PFKFB3: variants seen among roughly 807,000 people sequenced by gnomAD.
PFKFB3 encodes 6-phosphofructo-2-kinase/fructose-2,6-bisphosphatase 3.
PFKFB3 carries 33 observed loss-of-function variants against 68.0 expected under a neutral mutation model. That is an observed-to-expected ratio of 0.49 (90% CI 0.37 to 0.65). The LOEUF (loss-of-function observed/expected upper bound fraction) is 0.65. Among genes scored for constraint, PFKFB3 ranks in the 30% least tolerant of loss-of-function variants. The pLI is 0.00. For synonymous variants in PFKFB3, 315 were observed against 288.2 expected, an observed-to-expected ratio of 1.09 and a Z score of -0.94; for missense variants, 586 against 712.2, an observed-to-expected ratio of 0.82 and a Z score of 2.02.
intron 14 of PFKFB3, among the ~76,000 whole-genome samples, chr10:6,252,467 T>C (rs199782278): frequency 6.6e-6 from 1 of 152,234 alleles, no homozygotes; most frequent in East Asian, 1.9e-4. Flanking sequence ...TCCCAAGGCA[T>C]ACATGCAGAC....
At position 6,205,806 on chromosome 10, in the gene PFKFB3, A is replaced by ATTTATTTT. The variant is rs1434430378; in HGVS notation, c.76+2472_76+2473insTATTTTTT. ...TATTTATTTATTTATTTATTTATTTATTCATTTTTGAGGTGGAGTCTCACA... is the reference window on the plus strand; with the variant it reads ...TATTTATTTATTTATTTATTTATTTATTTATTTTTTCATTTTTGAGGTGGAGTCTCACA... On this transcript the variant is annotated intron_variant, in intron 1 of 14. Transcript: ENST00000379775. Among the ~76,000 whole-genome samples the ATTTATTTT allele has an allele frequency of 4.2e-4, 61 of 146,882 alleles. No homozygotes were observed. In the South Asian group the frequency reaches 0.011, roughly 26 times the overall value.
At position 6,154,556 on chromosome 10, in the gene PFKFB3, T is replaced by C. The variant is rs1339583343; in HGVS notation, c.16+9543T>C. ...AGCCACCGCGCCTGGTGGGCTGAAT[T>C]AACGTGACACCATAAAACGTCTCCG... On this transcript the variant is annotated intron_variant, in intron 1 of 14. Coordinates refer to the PFKFB3 transcript ENST00000379789. This position sits in a 1 kb window ranked among gnomAD's most constrained non-coding sequence, Gnocchi z 4.6. Among the ~76,000 whole-genome samples, 3 of 152,088 alleles carry C rather than the reference T, an allele frequency of 2.0e-5. No individual in the cohort carries two copies. Among genetic ancestry groups the C allele is most frequent in the Non-Finnish European group, 4.4e-5 (3 of 68,016 alleles).
chr10:6,219,344 G>T (rs1336145638), intron 6 of PFKFB3, among the ~76,000 whole-genome samples: 2 of 152,182 alleles, frequency 1.3e-5, no homozygotes, highest in Non-Finnish European at 2.9e-5. Context: ...TCCTGTCTCT[G>T]TCCTTCCGGC....
chr10:6,206,347 ACTT>A (rs1218048850), intron 1 of PFKFB3, among the ~76,000 whole-genome samples: 1 of 138,068 alleles, frequency 7.2e-6, no homozygotes, highest in East Asian at 2.1e-4. Flanking sequence ...TCCCATGTCT[ACTT>A]CTTTCTACAC....
At chr10:6,210,049 G>GTGCACCCCTCT (rs1204853552) in intron 1 of PFKFB3, among the ~76,000 whole-genome samples, 1 of 123,532 alleles carries the variant, frequency 8.1e-6, no homozygotes, top group Non-Finnish European at 2.0e-5. Flanking sequence ...ACCGTGCCCG[G>GTGCACCCCTCT]CCTAATACTT....
At chr10:6,293,780 C>T in the PFKFB3 span, 1,386 of 373,950 alleles carry the variant, frequency 3.7e-3, 23 homozygotes, top group Non-Finnish European at 6.9e-4. Context: ...ACCTTGTGCA[C>T]TTTATCTGAG....
rs770690176 is a variant in PFKFB3, at chr10:6,231,213, T to A, written c.1516-1682T>A. On this transcript the variant is annotated intron_variant, in intron 14 of 14. Coordinates refer to ENST00000379775, the MANE Select transcript of PFKFB3 (RefSeq NM_004566.4). ...AAATCCTACTAAAGATTTTCTTTTT[T>A]TTTTTCCTTTTCCAACCTGTTTCTT... The A allele has an allele frequency of 6.3e-6, 8 of 1,272,130 alleles. No individual in the cohort carries two copies. In the African/African-American group the frequency reaches 1.2e-4, roughly 19 times the overall value. 78.8% of individuals were successfully genotyped at this position (1,272,130 alleles called of 1,614,324 possible). A position where few individuals can be genotyped will look rare whatever the true frequency, so the allele number is the denominator to read the frequency against.
the PFKFB3 span, among the ~76,000 whole-genome samples, chr10:6,265,568 C>G: frequency 6.6e-6 from 1 of 152,236 alleles, no homozygotes; most frequent in South Asian, 2.1e-4. Context: ...GGGGTATCAC[C>G]TATGAAGGCC....
At chr10:6,224,678 G>A in intron 13 of PFKFB3, 1 of 334,178 alleles carries the variant, frequency 3.0e-6, no homozygotes, top group Non-Finnish European at 5.9e-6. Context: ...TAGATAATGG[G>A]GTCTCACTGT....
intron 1 of PFKFB3, among the ~76,000 whole-genome samples, chr10:6,188,579 A>G (rs959361981): frequency 2.7e-4 from 41 of 152,088 alleles, no homozygotes; most frequent in African/African-American, 9.4e-4. Flanking sequence ...CCATTGTGCA[A>G]TAGATCTCTA....
intron 1 of PFKFB3, among the ~76,000 whole-genome samples, chr10:6,156,003 C>A (rs1040069783): frequency 6.6e-6 from 1 of 152,062 alleles, no homozygotes; most frequent in Non-Finnish European, 1.5e-5. Context: ...AGTTTTTCAA[C>A]CCTCACCCCC....
Position 6,233,137 on chromosome 10 carries a change from G to C in PFKFB3, c.*195G>C. The stretch of plus-strand genomic sequence containing the variant: ...GCCGCTGGACACCAGAAAGCCACGT[G>C]GGTCCCTGGCGCCCTGCCTTTAGCC... On this transcript the variant is annotated 3_prime_UTR_variant, in exon 15 of 15. Transcript: ENST00000379775. The C allele has an allele frequency of 1.8e-6, 1 of 569,000 alleles. No individual in the cohort carries two copies. The highest frequency in any genetic ancestry group is 2.9e-5 in the East Asian group (1 of 34,144). 35.2% of individuals were successfully genotyped at this position (569,000 alleles called of 1,614,324 possible).
Position 6,232,704 on chromosome 10 carries a change from C to T in PFKFB3, c.1516-191C>T, listed in dbSNP as rs527535752. Among the ~76,000 whole-genome samples, 209 of 148,102 alleles carry T rather than the reference C, an allele frequency of 1.4e-3. 2 individuals carry two copies. The highest frequency in any genetic ancestry group is 2.2e-3 in the Non-Finnish European group (148 of 67,962). ...TCTCTGAGACTCTGGGGTTATCTTG[C>T]GTCATGTTCTGAGGCCCACCTGGGC... On this transcript the variant is annotated intron_variant, in intron 14 of 14. Coordinates refer to ENST00000379775, the MANE Select transcript of PFKFB3 (RefSeq NM_004566.4).
the PFKFB3 span, among the ~76,000 whole-genome samples, chr10:6,311,091 C>T: frequency 6.6e-6 from 1 of 152,180 alleles, no homozygotes; most frequent in Non-Finnish European, 1.5e-5. Flanking sequence ...TCACTCTTCA[C>T]TAATGGGAAT....
At chr10:6,197,493 C>G (rs1843207676) in intron 1 of PFKFB3, 1 of 152,178 alleles carries the variant, frequency 6.6e-6, no homozygotes. Flanking sequence ...TGATGCATTT[C>G]TCAGAACATA....
chr10:6,294,197 A>G, the PFKFB3 span: 1 of 525,414 alleles, frequency 1.9e-6, no homozygotes, highest in Non-Finnish European at 3.9e-6. Flanking sequence ...AGAGGTTTCC[A>G]TCTTGAGAGA....
intron 1 of PFKFB3, among the ~76,000 whole-genome samples, chr10:6,178,533 A>T (rs584797): frequency 6.6e-6 from 1 of 151,546 alleles, no homozygotes; most frequent in Non-Finnish European, 1.5e-5. Flanking sequence ...CACAACAGGG[A>T]GGTGAAGCCA....
rs912748730 is a variant in PFKFB3, at chr10:6,202,972, G to A, written c.-289G>A. ...GAGGCGAGCAGCAGGGCCTGGTGGC[G>A]AGAGCGCGGCTGTCACTGCGCCCGA... is the stretch of plus-strand genomic sequence containing the variant. On this transcript the variant is annotated 5_prime_UTR_variant, in exon 1 of 15. Coordinates refer to ENST00000379775, the MANE Select transcript of PFKFB3 (RefSeq NM_004566.4). 2.3e-6 allele frequency: 3 copies of A among 1,293,440 alleles called. No individual in the cohort carries two copies. The highest frequency in any genetic ancestry group is 2.9e-6 in the Non-Finnish European group (3 of 1,020,870). 80.1% of individuals were successfully genotyped at this position (1,293,440 alleles called of 1,614,324 possible).
chr10:6,307,678 A>C, the PFKFB3 span, among the ~76,000 whole-genome samples: 5 of 151,116 alleles, frequency 3.3e-5, no homozygotes, highest in Non-Finnish European at 5.9e-5. Context: ...CCCGATTGAG[A>C]ATCTGAGGCT....
Sources: gnomAD v4.1 joint callset for allele counts (sites outside exome capture counted in the v4.1 genomes callset) on GRCh38, gnomAD v4.1.1 for gene constraint, Gnocchi (gnomAD v3.1) non-coding constraint, MANE v1.5 for transcripts, NCBI Gene and HGNC (gene_info 2026-07-23, HGNC 2026-07-21) for gene names.